GULP1: variants seen among roughly 807,000 people sequenced by gnomAD.
GULP1 encodes PTB domain-containing engulfment adapter protein 1.
A neutral mutation model predicts 40.9 loss-of-function variants in GULP1; 19 were observed. The observed-to-expected ratio is 0.46, with a 90% confidence interval of 0.32 to 0.68. The LOEUF is 0.68. GULP1 is among the 30% of genes least tolerant of loss of function. GULP1 has a pLI of 0.03. For missense variants in GULP1, 312 were observed against 362.2 expected (o/e 0.86, Z 1.12); for synonymous variants, 119 against 117.6 (o/e 1.01, Z -0.08).
rs569741251 is a variant in GULP1, at chr2:188,595,838, G to A, written c.*1827G>A. On this transcript the variant is annotated 3_prime_UTR_variant, in exon 12 of 12. Coordinates refer to ENST00000409830, the MANE Select transcript of GULP1 (RefSeq NM_016315.4). Reference sequence around the variant, plus strand: ...TTATGAACATTTATTTCTCCAGTGCGTTTTTATGAAGATCTGGTTGAAAAT... The same window carrying A: ...TTATGAACATTTATTTCTCCAGTGCATTTTTATGAAGATCTGGTTGAAAAT... The A allele has an allele frequency of 2.0e-5, 3 of 152,314 alleles. No individual in the cohort carries two copies. Among genetic ancestry groups the A allele is most frequent in the South Asian group, 2.1e-4 (1 of 4,826 alleles). 9.4% of individuals were successfully genotyped at this position (152,314 alleles called of 1,614,324 possible).
rs374718200 is a variant in GULP1 at position 188,352,649 on chromosome 2, C to CACACACACACACACACACACACAT, written c.-171-31114_-171-31113insACACACACACACACACACACACAT. On this transcript the variant is annotated intron_variant, in intron 1 of 11. Coordinates refer to ENST00000409830, the MANE Select transcript of GULP1 (RefSeq NM_016315.4). ...ACACACACACACACACACACACACACGGTTCTGTTTCTTGGAGAACCCTGA... is the reference window on the plus strand; with the variant it reads ...ACACACACACACACACACACACACACACACACACACACACACACACACATGGTTCTGTTTCTTGGAGAACCCTGA... 8.2e-3 allele frequency among the ~76,000 whole-genome samples: 1,198 copies of CACACACACACACACACACACACAT among 145,668 alleles called. 6 individuals are homozygous for CACACACACACACACACACACACAT. The highest frequency in any genetic ancestry group is 0.013 in the Non-Finnish European group (849 of 65,466).
intron 2 of GULP1, among the ~76,000 whole-genome samples, chr2:188,451,751 AT>A (rs1408383683): frequency 1.3e-5 from 2 of 152,022 alleles, no homozygotes; most frequent in East Asian, 3.9e-4. Context: ...TCTCTTTGAT[AT>A]CCCTGCCAGA....
intron 1 of GULP1, among the ~76,000 whole-genome samples, chr2:188,332,437 C>T (rs987199219): frequency 6.6e-6 from 1 of 152,092 alleles, no homozygotes; most frequent in Non-Finnish European, 1.5e-5. Flanking sequence ...TGACACCTGC[C>T]TTGGGCTCTG....
chr2:188,571,296 T>C (rs1027927398), intron 9 of GULP1, among the ~76,000 whole-genome samples: 3 of 152,198 alleles, frequency 2.0e-5, no homozygotes, highest in South Asian at 2.1e-4. Flanking sequence ...TATCTAATAC[T>C]AGAATCATTC....
chr2:188,507,081 C>T (rs1421335833), intron 4 of GULP1, among the ~76,000 whole-genome samples: 2 of 152,024 alleles, frequency 1.3e-5, no homozygotes, highest in East Asian at 3.9e-4. Context: ...CCTGAAGGCT[C>T]CTGGCAGGAT....
At chr2:188,566,283 G>A (rs1306211498) in intron 7 of GULP1, among the ~76,000 whole-genome samples, 2 of 151,984 alleles carry the variant, frequency 1.3e-5, no homozygotes, top group Non-Finnish European at 2.9e-5. Context: ...ATGTATTGTG[G>A]GGTAATAATA....
chr2:188,589,729 A>G (rs765077480), intron 11 of GULP1: 1 of 1,385,956 alleles, frequency 7.2e-7, no homozygotes, highest in Non-Finnish European at 9.7e-7. Flanking sequence ...TACTGCTTTC[A>G]TGGTGGGTAG....
intron 1 of GULP1, among the ~76,000 whole-genome samples, chr2:188,366,588 C>CTTTTTTTT (rs34745549): frequency 2.4e-5 from 2 of 84,058 alleles, no homozygotes; most frequent in Non-Finnish European, 4.4e-5. Flanking sequence ...CAGTTACTTT[C>CTTTTTTTT]TTTTTTTTTT....
At chr2:188,529,980 G>C (rs1687150607) in intron 6 of GULP1, among the ~76,000 whole-genome samples, 3 of 152,180 alleles carry the variant, frequency 2.0e-5, no homozygotes, top group Admixed American at 2.0e-4. Context: ...CCAGCAGCGT[G>C]AACATGGAGC....
At chr2:188,526,527 GGTCT>G (rs1469296702) in intron 5 of GULP1, among the ~76,000 whole-genome samples, 1 of 151,968 alleles carries the variant, frequency 6.6e-6, no homozygotes, top group Non-Finnish European at 1.5e-5. Context: ...GAAGGCAAGA[GGTCT>G]GTAAGTAGGA....
chr2:188,446,873 G>A (rs1321907730), intron 2 of GULP1, among the ~76,000 whole-genome samples: 1 of 152,004 alleles, frequency 6.6e-6, no homozygotes, highest in Admixed American at 6.6e-5. Flanking sequence ...TTTTGGAAGT[G>A]TCAACAAAAA....
intron 4 of GULP1, among the ~76,000 whole-genome samples, chr2:188,514,082 T>TGTGTGTGTGTGTGTGTGC (rs766246317): frequency 1.7e-4 from 25 of 149,356 alleles, no homozygotes; most frequent in East Asian, 7.9e-4. Context: ...TGTGTGTGTG[T>TGTGTGTGTGTGTGTGTGC]GCGCCCTGCC....
intron 1 of GULP1, among the ~76,000 whole-genome samples, chr2:188,309,308 A>T (rs1377149163): frequency 6.6e-6 from 1 of 152,056 alleles, no homozygotes; most frequent in Non-Finnish European, 1.5e-5. Flanking sequence ...TCTACAAAAA[A>T]TACGAAAAAT....
chr2:188,437,626 G>T (rs1477391337), intron 2 of GULP1, among the ~76,000 whole-genome samples: 1 of 152,006 alleles, frequency 6.6e-6, no homozygotes, highest in Non-Finnish European at 1.5e-5. Context: ...ACGTACATGT[G>T]AATGTTCATT....
At chr2:188,576,675 A>G (rs572140118) in intron 9 of GULP1, among the ~76,000 whole-genome samples, 1 of 152,234 alleles carries the variant, frequency 6.6e-6, no homozygotes, top group East Asian at 1.9e-4. Flanking sequence ...AATTGTACCT[A>G]TATTACATAC....
intron 6 of GULP1, among the ~76,000 whole-genome samples, chr2:188,539,029 G>A (rs1575892955): frequency 6.6e-6 from 1 of 151,838 alleles, no homozygotes; most frequent in South Asian, 2.1e-4. Context: ...AAAATGGAAA[G>A]TGAAAATTAA....
At chr2:188,538,694 A>AGTGTGTGTGTGAGT (rs1553592803) in intron 6 of GULP1, among the ~76,000 whole-genome samples, 3 of 144,726 alleles carry the variant, frequency 2.1e-5, no homozygotes, top group African/African-American at 7.5e-5. Context: ...TGTGTGTGTG[A>AGTGTGTGTGTGAGT]GTGTGTGTGT....
At chr2:188,293,429 G>A (rs1043149511) in intron 1 of GULP1, among the ~76,000 whole-genome samples, 9 of 152,162 alleles carry the variant, frequency 5.9e-5, no homozygotes, top group African/African-American at 2.2e-4. Context: ...CTGATTTCTA[G>A]GACTAGCAGG....
At chr2:188,339,484 T>C (rs1361782047) in intron 1 of GULP1, among the ~76,000 whole-genome samples, 3 of 152,220 alleles carry the variant, frequency 2.0e-5, no homozygotes, top group Non-Finnish European at 4.4e-5. Flanking sequence ...TTCCCCCTTT[T>C]GTTTTAAGAC....
Sources: gnomAD v4.1 joint callset for allele counts (sites outside exome capture counted in the v4.1 genomes callset) on GRCh38, gnomAD v4.1.1 for gene constraint, MANE v1.5 for transcripts, NCBI Gene and HGNC (gene_info 2026-07-23, HGNC 2026-07-21) for gene names.